MTOR: variants seen among roughly 807,000 people sequenced by gnomAD.
MTOR encodes mechanistic target of rapamycin kinase.
In MTOR, 70 loss-of-function variants were observed where a neutral mutation model predicts 319.8. The ratio of observed to expected loss-of-function variants is 0.22; its 90% CI spans 0.18 to 0.27. The LOEUF is 0.27. MTOR is among the 10% of genes least tolerant of loss of function. The pLI is 1.00. For synonymous variants in MTOR, 1,183 were observed against 1,211.4 expected (o/e 0.98, Z 0.49); for missense variants, 1,890 against 3,274.4 (o/e 0.58, Z 10.32).
chr1:11,192,263 CT>C (rs765404801), intron 28 of MTOR: 1 of 1,607,192 alleles, frequency 6.2e-7, no homozygotes. Context: ...GGTTTGTTCT[CT>C]TGTAGATGCC....
At chr1:11,113,389 G>A (rs1023894660) in intron 53 of MTOR, among the ~76,000 whole-genome samples, 8 of 152,096 alleles carry the variant, frequency 5.3e-5, no homozygotes, top group African/African-American at 1.9e-4. Context: ...TTCTGTTTTA[G>A]TTAATAAAAA....
intron 28 of MTOR, among the ~76,000 whole-genome samples, chr1:11,185,224 A>G (rs564181770): frequency 6.6e-6 from 1 of 152,024 alleles, no homozygotes; most frequent in South Asian, 2.1e-4. Context: ...ACAGAGCTAT[A>G]AAGTCCTGAC....
intron 11 of MTOR, 33 bp from the exon 12 acceptor site, chr1:11,238,650 A>C: frequency 1.3e-6 from 2 of 1,565,750 alleles, no homozygotes; most frequent in Non-Finnish European, 1.7e-6. Flanking sequence ...AACAGAATAA[A>C]CACTGCTGCT....
At chr1:11,239,729 AC>A (rs1647732154) in intron 11 of MTOR, among the ~76,000 whole-genome samples, 1 of 151,964 alleles carries the variant, frequency 6.6e-6, no homozygotes, top group African/African-American at 2.4e-5. Flanking sequence ...ACATGGTGAA[AC>A]CCCATCTCTA....
At chr1:11,215,895 A>G (rs1020388647) in intron 20 of MTOR, among the ~76,000 whole-genome samples, 3 of 152,146 alleles carry the variant, frequency 2.0e-5, no homozygotes, top group African/African-American at 7.2e-5. Flanking sequence ...AAATAACCCA[A>G]TTGTCTATTT....
Position 11,111,221 on chromosome 1 carries a change from G to A in MTOR, c.7367-1492C>T, listed in dbSNP as rs1445227996. On this transcript the variant is annotated intron_variant, in intron 54 of 57. Coordinates refer to ENST00000361445, the MANE Select transcript of MTOR (RefSeq NM_004958.4). Reference sequence around the variant, plus strand: ...TGGCAAGGTGGGGTGGCTCATGCCTGTAATCCCAGCACTTTGGGAGGCCGA... The same window carrying A: ...TGGCAAGGTGGGGTGGCTCATGCCTATAATCCCAGCACTTTGGGAGGCCGA... 6 of 452,246 alleles carry A rather than the reference G, an allele frequency of 1.3e-5. No homozygotes were observed. The East Asian group carries it at 4.2e-4, about 32-fold the overall frequency. The allele number at this position is 452,246 out of a possible 1,614,324, so 28.0% of individuals were successfully genotyped here. A position where few individuals can be genotyped will look rare whatever the true frequency, so the allele number is the denominator to read the frequency against.
At position 11,233,044 on chromosome 1, in the gene MTOR, G is replaced by A. The variant is rs529197664; in HGVS notation, c.2421+354C>T. On this transcript the variant is annotated intron_variant, in intron 15 of 57. Coordinates refer to ENST00000361445, the MANE Select transcript of MTOR (RefSeq NM_004958.4). ...AATCGTCCCATTCCCCAGTGGATTC[G>A]GATGAAAACTGGTAATAAAACCAGG... 879 of 1,012,700 alleles carry A rather than the reference G, an allele frequency of 8.7e-4. 10 individuals carry two copies. The highest frequency in any genetic ancestry group is 7.3e-3 in the South Asian group (582 of 79,810). The allele number at this position is 1,012,700 out of a possible 1,614,324, so 62.7% of individuals were successfully genotyped here. A position where few individuals can be genotyped will look rare whatever the true frequency, so the allele number is the denominator to read the frequency against.
chr1:11,165,682 T>C (rs1292459493), intron 29 of MTOR, among the ~76,000 whole-genome samples: 1 of 152,044 alleles, frequency 6.6e-6, no homozygotes, highest in Non-Finnish European at 1.5e-5. Context: ...AGGTAATTTA[T>C]AGATTCAATG....
At chr1:11,123,631 G>A (rs1642660251) in intron 47 of MTOR, among the ~76,000 whole-genome samples, 2 of 151,940 alleles carry the variant, frequency 1.3e-5, no homozygotes, top group African/African-American at 2.4e-5. Context: ...ACCATGCCCA[G>A]CTGATTTTTT....
intron 33 of MTOR, 96 bp from the exon 34 acceptor site, chr1:11,144,851 G>A (rs1643879549): frequency 6.6e-7 from 1 of 1,509,020 alleles, no homozygotes; most frequent in Non-Finnish European, 9.2e-7. Context: ...CAGGGTATCT[G>A]CCGATCAGAG....
chr1:11,122,171 A>AT, intron 47 of MTOR, 45 bp from the exon 48 acceptor site: 1 of 1,610,612 alleles, frequency 6.2e-7, no homozygotes, highest in South Asian at 1.1e-5. Flanking sequence ...TAAAGAGAGT[A>AT]TACCCTTGAG....
intron 8 of MTOR, among the ~76,000 whole-genome samples, chr1:11,246,011 T>G (rs1648765305): frequency 6.6e-6 from 1 of 152,232 alleles, no homozygotes; most frequent in South Asian, 2.1e-4. Context: ...AGTATTTTTT[T>G]ATATTTCTAA....
intron 1 of MTOR, among the ~76,000 whole-genome samples, chr1:11,261,904 C>T (rs981992761): frequency 2.6e-5 from 4 of 152,104 alleles, no homozygotes; most frequent in Non-Finnish European, 5.9e-5. Context: ...TTCAATTAAA[C>T]TTAGGATATC....
At chr1:11,140,518 G>C (rs139663419) in intron 34 of MTOR, among the ~76,000 whole-genome samples, 1 of 152,126 alleles carries the variant, frequency 6.6e-6, no homozygotes, top group African/African-American at 2.4e-5. Context: ...GCTACTCACC[G>C]GTCCCCGGCC....
At chr1:11,142,095 TAG>T (rs1314233833) in intron 34 of MTOR, among the ~76,000 whole-genome samples, 1 of 152,118 alleles carries the variant, frequency 6.6e-6, no homozygotes, top group African/African-American at 2.4e-5. Context: ...CTAACAACTA[TAG>T]AGAGTCAGGT....
At chr1:11,176,792 G>A (rs1025641811) in intron 28 of MTOR, among the ~76,000 whole-genome samples, 1 of 152,146 alleles carries the variant, frequency 6.6e-6, no homozygotes, top group Non-Finnish European at 1.5e-5. Flanking sequence ...TGTGCCCAAC[G>A]CAGGATTAAC....
intron 28 of MTOR, among the ~76,000 whole-genome samples, chr1:11,173,666 C>T (rs1157246985): frequency 1.3e-5 from 2 of 152,140 alleles, no homozygotes; most frequent in Non-Finnish European, 1.5e-5. Flanking sequence ...TTTCCTCTTC[C>T]CCCTTTTTCA....
At position 11,193,760 on chromosome 1, in the gene MTOR, C is replaced by T. The variant is rs147660927; in HGVS notation, c.4253+5498G>A. 3,213 of 1,614,084 alleles carry T rather than the reference C, an allele frequency of 2.0e-3. 81 individuals are homozygous for T. Among genetic ancestry groups the T allele is most frequent in the Non-Finnish European group, 2.1e-4 (251 of 1,180,010 alleles). Reference sequence around the variant, plus strand: ...GCTCTCCAGACAGCCAACCCGGCTGCGTGTAGAGATGGAGGTAAGCACAAG... The same window carrying T: ...GCTCTCCAGACAGCCAACCCGGCTGTGTGTAGAGATGGAGGTAAGCACAAG... On this transcript the variant is annotated intron_variant, in intron 28 of 57. Coordinates refer to ENST00000361445, the MANE Select transcript of MTOR (RefSeq NM_004958.4).
rs1647010012 is a variant in MTOR at position 11,231,387 on chromosome 1, T to C, written c.2562A>G (p.Val854=). The C allele has an allele frequency of 8.7e-6, 14 of 1,614,178 alleles. No individual in the cohort carries two copies. The highest frequency in any genetic ancestry group is 1.0e-5 in the Non-Finnish European group (12 of 1,180,016). The change falls in exon 17 of 58, where the codon GTA becomes GTG. Residue 854 remains valine (V), a synonymous_variant. Coordinates refer to ENST00000361445, the MANE Select transcript of MTOR (RefSeq NM_004958.4). The part of the protein sequence containing the change: ...LGQLVASTGY[V]VEPYRKYPTL... ...TAGGGTACTTCCTGTAGGGCTCTAC[T>C]ACATAGCCAGTGCTGGCCACCAACT... is the stretch of plus-strand genomic sequence containing the variant.
Sources: gnomAD v4.1 joint callset for allele counts (sites outside exome capture counted in the v4.1 genomes callset) on GRCh38, gnomAD v4.1.1 for gene constraint, MANE v1.5 for transcripts, NCBI Gene and HGNC (gene_info 2026-07-23, HGNC 2026-07-21) for gene names.